ZNF248: variants seen among roughly 807,000 people sequenced by gnomAD.
The protein encoded by ZNF248 is zinc finger protein 248.
In ZNF248, 20 loss-of-function variants were observed where a neutral mutation model predicts 44.3. The observed-to-expected ratio is 0.45, with a 90% confidence interval of 0.32 to 0.66. ZNF248 has a LOEUF of 0.66. Among genes scored for constraint, ZNF248 ranks in the 30% least tolerant of loss-of-function variants. The probability of loss-of-function intolerance (pLI) is 0.04; values close to 1 mark genes in which losing one functional copy is unlikely to be tolerated. For missense variants in ZNF248, 654 were observed against 677.0 expected, an observed-to-expected ratio of 0.97 and a Z score of 0.38; for synonymous variants, 224 against 229.0, an observed-to-expected ratio of 0.98 and a Z score of 0.20.
intron 3 of ZNF248, among the ~76,000 whole-genome samples, chr10:37,842,023 A>G (rs2058434410): frequency 6.6e-6 from 1 of 152,208 alleles, no homozygotes; most frequent in African/African-American, 2.4e-5. Flanking sequence ...GGAAAAATTA[A>G]GAAAATCCCA....
At chr10:37,783,042 T>C (rs1233632388) in intron 6 of ZNF248, among the ~76,000 whole-genome samples, 2 of 152,120 alleles carry the variant, frequency 1.3e-5, no homozygotes, top group Admixed American at 6.5e-5. Context: ...ACCCTCTTCT[T>C]GAGGATACTA....
the ZNF248 span, among the ~76,000 whole-genome samples, chr10:37,762,045 G>C: frequency 6.6e-6 from 1 of 152,172 alleles, no homozygotes; most frequent in Non-Finnish European, 1.5e-5. Flanking sequence ...TTATGAAATT[G>C]TATTGTCTCA....
downstream of ZNF248, among the ~76,000 whole-genome samples, chr10:37,826,993 G>A (rs1248849448): frequency 6.6e-6 from 1 of 152,136 alleles, no homozygotes; most frequent in Non-Finnish European, 1.5e-5. Flanking sequence ...ATGTGGGTGA[G>A]GTGGGTTGAA....
intron 6 of ZNF248, among the ~76,000 whole-genome samples, chr10:37,790,302 T>G (rs979183416): frequency 3.4e-5 from 5 of 146,782 alleles, no homozygotes; most frequent in African/African-American, 5.0e-5. Context: ...TAACTAGGGC[T>G]GGGAATGGTG....
intron 6 of ZNF248, among the ~76,000 whole-genome samples, chr10:37,799,356 C>T (rs1010445085): frequency 4.6e-5 from 7 of 152,014 alleles, no homozygotes; most frequent in Non-Finnish European, 1.0e-4. Context: ...GTCAAGAGAT[C>T]GAGACCATCC....
At chr10:37,801,820 C>T (rs777081171) in intron 6 of ZNF248, among the ~76,000 whole-genome samples, 5 of 152,112 alleles carry the variant, frequency 3.3e-5, no homozygotes, top group Non-Finnish European at 5.9e-5. Context: ...TCAAGCAGAG[C>T]TATGTTAAGG....
chr10:37,771,132 G>T, the ZNF248 span, among the ~76,000 whole-genome samples: 1 of 152,214 alleles, frequency 6.6e-6, no homozygotes, highest in Admixed American at 6.5e-5. Flanking sequence ...ACAGGTGCTG[G>T]AGAAGATGTG....
At chr10:37,824,958 G>A (rs560495454), downstream of ZNF248, among the ~76,000 whole-genome samples, 423 of 150,596 alleles carry the variant, frequency 2.8e-3, 1 homozygote, top group South Asian at 5.3e-3. Flanking sequence ...AAAGTGCTGG[G>A]ATTACAGACG....
At chr10:37,827,270 T>C (rs1490012260), downstream of ZNF248, among the ~76,000 whole-genome samples, 3 of 152,162 alleles carry the variant, frequency 2.0e-5, no homozygotes, top group African/African-American at 4.8e-5. Flanking sequence ...TGAGCTTCCT[T>C]TAGGGGATCA....
At position 37,832,175 on chromosome 10, in the gene ZNF248, T is replaced by G; in HGVS notation, c.1180A>C (p.Asn394His). ...ECGKTFWEKS[N>H]LTQHQRTHTG... is the part of the protein sequence containing the mutation. ...TGTGTTCTCTGATGTTGAGTGAGGT[T>G]TGACTTCTCCCAGAAGGTTTTCCCA... The change falls in exon 6 of 6, where the codon AAC (asparagine) becomes CAC (histidine). Residue 394 changes from asparagine to histidine, a missense_variant. Physicochemically the swap from Asn to His is moderately conservative, Grantham distance 68 (BLOSUM62 1). Transcript: ENST00000395867. The G allele has an allele frequency of 6.2e-7, 1 of 1,614,014 alleles. No individual in the cohort carries two copies.
chr10:37,847,384 T>A (rs1331750957), intron 3 of ZNF248, among the ~76,000 whole-genome samples: 2 of 152,126 alleles, frequency 1.3e-5, no homozygotes, highest in Non-Finnish European at 2.9e-5. Flanking sequence ...TAAAACACCA[T>A]CTCATTTTGG....
chr10:37,837,392 C>T (rs1366477362), intron 5 of ZNF248, among the ~76,000 whole-genome samples: 1 of 152,130 alleles, frequency 6.6e-6, no homozygotes, highest in Non-Finnish European at 1.5e-5. Context: ...GGATTACAGG[C>T]GTGAGCCACC....
At chr10:37,777,680 C>T (rs987301501) in intron 6 of ZNF248, among the ~76,000 whole-genome samples, 3 of 111,952 alleles carry the variant, frequency 2.7e-5, no homozygotes, top group Non-Finnish European at 5.3e-5. Flanking sequence ...TGCTATCCCT[C>T]CCCCCTCCCC....
At chr10:37,819,845 C>T (rs994812170) in intron 6 of ZNF248, 12 of 786,226 alleles carry the variant, frequency 1.5e-5, no homozygotes, top group Non-Finnish European at 2.6e-5. Context: ...TTTCCGTTGT[C>T]TATCTCTTCC....
chr10:37,790,921 T>G (rs1482388909), intron 6 of ZNF248, among the ~76,000 whole-genome samples: 4 of 132,112 alleles, frequency 3.0e-5, no homozygotes, highest in Admixed American at 7.8e-5. Context: ...CCCCATTATC[T>G]TAAAAAAAAA....
chr10:37,777,389 C>T (rs557744975), intron 6 of ZNF248, among the ~76,000 whole-genome samples: 2 of 152,280 alleles, frequency 1.3e-5, no homozygotes, highest in South Asian at 2.1e-4. Flanking sequence ...CATAAACACC[C>T]GTAGCTTCCT....
At chr10:37,837,911 A>G (rs2057550062) in intron 4 of ZNF248, 74 bp downstream of exon 4, 1 of 1,557,318 alleles carries the variant, frequency 6.4e-7, no homozygotes, top group South Asian at 1.2e-5. Flanking sequence ...CTCAAGCTTT[A>G]CATCAGAAAA....
At chr10:37,785,816 A>T (rs1347592744) in intron 6 of ZNF248, among the ~76,000 whole-genome samples, 2 of 152,228 alleles carry the variant, frequency 1.3e-5, no homozygotes, top group Non-Finnish European at 2.9e-5. Context: ...TAATACCCAG[A>T]TTCTTGAAGA....
chr10:37,783,065 G>A (rs1291711012), intron 6 of ZNF248, among the ~76,000 whole-genome samples: 2 of 152,180 alleles, frequency 1.3e-5, no homozygotes, highest in Non-Finnish European at 2.9e-5. Flanking sequence ...AGCATTGACT[G>A]TGCTAGAAAC....
Sources: allele counts gnomAD v4.1 joint callset (sites outside exome capture counted in the v4.1 genomes callset), GRCh38; gene constraint gnomAD v4.1.1; transcripts MANE v1.5; gene names NCBI Gene and HGNC (gene_info 2026-07-23, HGNC 2026-07-21).